The following STARD13 variants were observed in gnomAD, a reference collection of about 807,000 sequenced individuals.
STARD13 encodes the protein StAR related lipid transfer domain containing 13.
A neutral mutation model predicts 106.4 loss-of-function variants in STARD13; 62 were observed. That is an observed-to-expected ratio of 0.58 (90% CI 0.48 to 0.72). The LOEUF is 0.72. Ranked by LOEUF, STARD13 falls within the 30% of genes least tolerant of loss-of-function variation. The pLI is 0.00. For missense variants in STARD13, 1,387 were observed against 1,424.0 expected, an observed-to-expected ratio of 0.97 and a Z score of 0.42; for synonymous variants, 565 against 553.0, an observed-to-expected ratio of 1.02 and a Z score of -0.31.
At chr13:33,185,483 T>A (rs1178594135) in intron 1 of STARD13, among the ~76,000 whole-genome samples, 1 of 152,084 alleles carries the variant, frequency 6.6e-6, no homozygotes, top group Non-Finnish European at 1.5e-5. Context: ...GGTTCTCAAA[T>A]CTCTCCAAAG....
chr13:33,413,976 T>C, the STARD13 span, among the ~76,000 whole-genome samples: 5 of 135,216 alleles, frequency 3.7e-5, no homozygotes, highest in African/African-American at 1.3e-4. Context: ...GAGGTTGCAG[T>C]GAGCCAGGAT....
intron 4 of STARD13, among the ~76,000 whole-genome samples, chr13:33,141,512 T>C (rs1233711973): frequency 1.3e-5 from 2 of 152,224 alleles, no homozygotes; most frequent in African/African-American, 4.8e-5. Flanking sequence ...AGTCCTGTGA[T>C]GGGGAGGGAG....
At chr13:33,386,949 A>G in the STARD13 span, among the ~76,000 whole-genome samples, 3 of 152,104 alleles carry the variant, frequency 2.0e-5, no homozygotes, top group Admixed American at 1.3e-4. Context: ...TTCTTTGCCA[A>G]TTCTGCATAG....
intron 1 of STARD13, among the ~76,000 whole-genome samples, chr13:33,262,662 A>ACACACACAACACACAC (rs5802678): frequency 7.8e-5 from 9 of 114,900 alleles, no homozygotes; most frequent in African/African-American, 2.0e-4. Flanking sequence ...ACACACACAC[A>ACACACACAACACACAC]ACACACACAC....
chr13:33,241,105 T>TG (rs1889467137), intron 1 of STARD13, among the ~76,000 whole-genome samples: 1 of 152,214 alleles, frequency 6.6e-6, no homozygotes. Flanking sequence ...CTGTGTTCTG[T>TG]CATATTTCTG....
upstream of STARD13, among the ~76,000 whole-genome samples, chr13:33,290,446 C>A (rs1487456217): frequency 1.3e-5 from 2 of 152,204 alleles, no homozygotes; most frequent in Non-Finnish European, 2.9e-5. Context: ...TTAACTTTCC[C>A]AATCTGCATG....
chr13:33,523,004 T>G, the STARD13 span, among the ~76,000 whole-genome samples: 11 of 152,142 alleles, frequency 7.2e-5, no homozygotes, highest in African/African-American at 2.7e-4. Context: ...GTTAACAATG[T>G]TATTTTATTA....
chr13:33,490,336 C>T, the STARD13 span, among the ~76,000 whole-genome samples: 4 of 152,200 alleles, frequency 2.6e-5, no homozygotes, highest in South Asian at 6.2e-4. Flanking sequence ...ATACTCATGG[C>T]CCTAAATGAG....
chr13:33,591,523 G>A, the STARD13 span, among the ~76,000 whole-genome samples: 1 of 152,180 alleles, frequency 6.6e-6, no homozygotes, highest in East Asian at 1.9e-4. Context: ...GACCACATAA[G>A]CTAGGCATGA....
the STARD13 span, among the ~76,000 whole-genome samples, chr13:33,621,330 T>C: frequency 6.6e-6 from 1 of 151,994 alleles, no homozygotes; most frequent in Non-Finnish European, 1.5e-5. Flanking sequence ...AATTTGATAA[T>C]AGATAAAATT....
At chr13:33,412,995 C>A in the STARD13 span, among the ~76,000 whole-genome samples, 1 of 152,174 alleles carries the variant, frequency 6.6e-6, no homozygotes, top group African/African-American at 2.4e-5. Flanking sequence ...TCAACCACAG[C>A]AGAATAGACC....
At chr13:33,377,509 T>A in the STARD13 span, among the ~76,000 whole-genome samples, 3 of 152,180 alleles carry the variant, frequency 2.0e-5, no homozygotes, top group Non-Finnish European at 2.9e-5. Flanking sequence ...TATTGATCTT[T>A]GCATGATGAC....
chr13:33,428,470 C>A, the STARD13 span, among the ~76,000 whole-genome samples: 1 of 151,998 alleles, frequency 6.6e-6, no homozygotes, highest in Non-Finnish European at 1.5e-5. Context: ...AAAAACTCAA[C>A]AACAATGAAA....
At chr13:33,607,902 A>C in the STARD13 span, among the ~76,000 whole-genome samples, 1 of 152,162 alleles carries the variant, frequency 6.6e-6, no homozygotes, top group Non-Finnish European at 1.5e-5. Flanking sequence ...GAAAATGTCC[A>C]ATATCTCTAA....
At chr13:33,402,479 G>A in the STARD13 span, among the ~76,000 whole-genome samples, 2 of 152,234 alleles carry the variant, frequency 1.3e-5, no homozygotes. Flanking sequence ...GAAATGGCTA[G>A]AAGATGGACT....
chr13:33,228,710 G>A (rs1888747654), intron 1 of STARD13, among the ~76,000 whole-genome samples: 1 of 152,136 alleles, frequency 6.6e-6, no homozygotes, highest in South Asian at 2.1e-4. Flanking sequence ...TTACACCTTC[G>A]AATACAAGAT....
chr13:33,558,773 A>T, the STARD13 span, among the ~76,000 whole-genome samples: 4 of 151,678 alleles, frequency 2.6e-5, no homozygotes, highest in South Asian at 8.3e-4. Flanking sequence ...CTAAATGTTT[A>T]TTCTGACAAA....
chr13:33,572,766 G>C, the STARD13 span, among the ~76,000 whole-genome samples: 1 of 152,082 alleles, frequency 6.6e-6, no homozygotes, highest in Admixed American at 6.6e-5. Context: ...TACACATCAA[G>C]TATTATGTTT....
At chr13:33,617,498 C>CT in the STARD13 span, among the ~76,000 whole-genome samples, 1 of 152,290 alleles carries the variant, frequency 6.6e-6, no homozygotes, top group African/African-American at 2.4e-5. Context: ...TATTTTGAAT[C>CT]TTTTTTACTT....
Sources: allele counts gnomAD v4.1 joint callset (sites outside exome capture counted in the v4.1 genomes callset), GRCh38; gene constraint gnomAD v4.1.1; transcripts MANE v1.5; gene names NCBI Gene and HGNC (gene_info 2026-07-23, HGNC 2026-07-21).